CSMD1: variants seen among roughly 807,000 people sequenced by gnomAD.
CSMD1 encodes CUB and Sushi multiple domains 1.
Under a neutral mutation model 417.5 loss-of-function variants are expected in CSMD1, and 213 were observed. The ratio of observed to expected loss-of-function variants is 0.51; its 90% CI spans 0.46 to 0.57. The LOEUF (loss-of-function observed/expected upper bound fraction) is 0.57, where lower values mean the gene tolerates loss of function less well. Among genes scored for constraint, CSMD1 ranks in the 20% least tolerant of loss-of-function variants. The probability of loss-of-function intolerance (pLI) is 0.00; values close to 1 mark genes in which losing one functional copy is unlikely to be tolerated. For synonymous variants in CSMD1, 2,862 were observed against 1,736.8 expected, an observed-to-expected ratio of 1.65 and a Z score of -16.11; for missense variants, 6,923 against 4,529.7, an observed-to-expected ratio of 1.53 and a Z score of -15.17.
chr8:3,295,414 C>G (rs761321780), intron 25 of CSMD1, among the ~76,000 whole-genome samples: 1 of 152,156 alleles, frequency 6.6e-6, no homozygotes, highest in Non-Finnish European at 1.5e-5. Context: ...GTGTGAGCCA[C>G]TGAGCCCAGC....
At chr8:3,359,874 A>C (rs1400488854) in intron 20 of CSMD1, among the ~76,000 whole-genome samples, 1 of 152,000 alleles carries the variant, frequency 6.6e-6, no homozygotes, top group African/African-American at 2.4e-5. Flanking sequence ...AATGTGTACA[A>C]TTATTATGTA....
intron 5 of CSMD1, among the ~76,000 whole-genome samples, chr8:3,766,461 C>G (rs1430035568): frequency 6.6e-6 from 1 of 152,178 alleles, no homozygotes; most frequent in African/African-American, 2.4e-5. Context: ...AGACAGGCCT[C>G]TCAGGCTTGC....
intron 3 of CSMD1, among the ~76,000 whole-genome samples, chr8:4,143,371 CTTTT>C (rs71534385): frequency 4.4e-5 from 5 of 112,900 alleles, no homozygotes; most frequent in Non-Finnish European, 4.0e-5. Context: ...CGTCTTATCC[CTTTT>C]TTTTTTTTTT....
At chr8:3,015,616 A>G (rs1029922155) in intron 52 of CSMD1, among the ~76,000 whole-genome samples, 1 of 152,054 alleles carries the variant, frequency 6.6e-6, no homozygotes, top group Admixed American at 6.6e-5. Context: ...ATATATATAT[A>G]TATCTCCTTA....
rs17079691 is a variant in CSMD1 at position 3,247,538 on chromosome 8, G to T, written c.4154-17307C>A. Among the ~76,000 whole-genome samples, 1,538 of 152,274 alleles carry T rather than the reference G, an allele frequency of 0.01. 72 individuals are homozygous for T. In the East Asian group the frequency reaches 0.11, roughly 11 times the overall value. ...CTACGAGGCAAGCTCAGGTCCATCTGGGCCAGGATGCCAGGGTCTTGAATA... is the reference window on the plus strand; with the variant it reads ...CTACGAGGCAAGCTCAGGTCCATCTTGGCCAGGATGCCAGGGTCTTGAATA... On this transcript the variant is annotated intron_variant, in intron 26 of 69. Transcript: ENST00000635120.
intron 1 of CSMD1, among the ~76,000 whole-genome samples, chr8:4,952,323 G>C (rs1277642003): frequency 7.5e-6 from 1 of 134,210 alleles, no homozygotes; most frequent in African/African-American, 2.7e-5. Flanking sequence ...CGCTTTTTGG[G>C]AATGAAAACA....
intron 3 of CSMD1, among the ~76,000 whole-genome samples, chr8:4,419,357 C>G (rs1797122676): frequency 6.6e-6 from 1 of 152,112 alleles, no homozygotes. Context: ...ATTTCCTTTT[C>G]CAAAGTTCTA....
At chr8:3,591,891 T>A (rs1043826855) in intron 8 of CSMD1, among the ~76,000 whole-genome samples, 2 of 151,948 alleles carry the variant, frequency 1.3e-5, no homozygotes, top group South Asian at 4.2e-4. Context: ...AGATGACAGA[T>A]AGCTGGATGG....
intron 3 of CSMD1, among the ~76,000 whole-genome samples, chr8:4,062,776 G>C (rs1799045284): frequency 6.6e-6 from 1 of 151,618 alleles, no homozygotes. Flanking sequence ...AGTAAAATCT[G>C]ATTGTTCAAA....
intron 54 of CSMD1, among the ~76,000 whole-genome samples, chr8:2,984,727 AT>A (rs1805724594): frequency 6.6e-6 from 1 of 152,214 alleles, no homozygotes; most frequent in Non-Finnish European, 1.5e-5. Flanking sequence ...CATAGTGGTA[AT>A]TTTGGGTCTA....
chr8:3,966,277 T>G (rs1039858312), intron 5 of CSMD1, among the ~76,000 whole-genome samples: 1 of 152,136 alleles, frequency 6.6e-6, no homozygotes, highest in Non-Finnish European at 1.5e-5. Context: ...TTAAACTGAA[T>G]GCAGAGGGGC....
intron 6 of CSMD1, among the ~76,000 whole-genome samples, chr8:3,724,489 C>T (rs571032610): frequency 2.6e-4 from 40 of 152,114 alleles, no homozygotes; most frequent in African/African-American, 8.9e-4. Context: ...AGCTATATAA[C>T]CTTTAAAAAA....
intron 7 of CSMD1, among the ~76,000 whole-genome samples, chr8:3,661,978 C>T (rs978488527): frequency 6.6e-6 from 1 of 151,998 alleles, no homozygotes; most frequent in Non-Finnish European, 1.5e-5. Context: ...CCAGAGGCTG[C>T]GGGAGAGAGG....
chr8:3,874,851 A>G (rs1025737463), intron 5 of CSMD1, among the ~76,000 whole-genome samples: 2 of 152,148 alleles, frequency 1.3e-5, no homozygotes, highest in East Asian at 1.9e-4. Context: ...GAATAAACCC[A>G]TTAAGAAAAC....
At chr8:4,734,904 T>C (rs536588335) in intron 1 of CSMD1, among the ~76,000 whole-genome samples, 2 of 152,280 alleles carry the variant, frequency 1.3e-5, no homozygotes, top group East Asian at 3.9e-4. Flanking sequence ...GGCCACAGTA[T>C]TTCCTTCTCC....
intron 26 of CSMD1, among the ~76,000 whole-genome samples, chr8:3,249,337 C>G (rs373525095): frequency 3.9e-5 from 6 of 152,156 alleles, no homozygotes; most frequent in African/African-American, 1.2e-4. Context: ...TTCTCAATGC[C>G]TCAGCCACCC....
intron 5 of CSMD1, among the ~76,000 whole-genome samples, chr8:3,985,830 T>C (rs1308699091): frequency 1.3e-5 from 2 of 151,802 alleles, no homozygotes; most frequent in African/African-American, 2.4e-5. Context: ...CATTCTTCAA[T>C]GCTGAGACTG....
At chr8:3,949,419 T>C (rs1316049625) in intron 5 of CSMD1, among the ~76,000 whole-genome samples, 1 of 152,146 alleles carries the variant, frequency 6.6e-6, no homozygotes, top group Non-Finnish European at 1.5e-5. Context: ...ATCACATGGA[T>C]GAGGTATATA....
intron 7 of CSMD1, among the ~76,000 whole-genome samples, chr8:3,692,633 A>G (rs1372402530): frequency 6.6e-6 from 1 of 151,996 alleles, no homozygotes; most frequent in Non-Finnish European, 1.5e-5. Context: ...GGGTTTCACC[A>G]TGTTGGTCAG....
Sources: allele counts gnomAD v4.1 joint callset (sites outside exome capture counted in the v4.1 genomes callset), GRCh38; gene constraint gnomAD v4.1.1; transcripts MANE v1.5; gene names NCBI Gene and HGNC (gene_info 2026-07-23, HGNC 2026-07-21).